The following CTNND2 variants were observed in gnomAD, a reference collection of about 807,000 sequenced individuals.
The protein encoded by CTNND2 is catenin delta 2.
Under a neutral mutation model 144.4 loss-of-function variants are expected in CTNND2, and 22 were observed. The ratio of observed to expected loss-of-function variants is 0.15; its 90% confidence interval spans 0.11 to 0.22. The LOEUF is 0.22. CTNND2 is among the 10% of genes least tolerant of loss of function. The pLI, the probability that CTNND2 is intolerant of heterozygous loss-of-function variation, is 1.00. For missense variants in CTNND2, 1,353 were observed against 1,618.8 expected (o/e 0.84, Z 2.82); for synonymous variants, 751 against 695.6 (o/e 1.08, Z -1.25).
chr5:11,275,715 T>C (rs965565388), intron 9 of CTNND2, among the ~76,000 whole-genome samples: 35 of 152,248 alleles, frequency 2.3e-4, no homozygotes, highest in Non-Finnish European at 2.6e-4. Flanking sequence ...CAGCCTTATA[T>C]TCAAGGGAAG....
intron 1 of CTNND2, among the ~76,000 whole-genome samples, chr5:11,753,355 C>A (rs754377434): frequency 6.6e-6 from 1 of 151,648 alleles, no homozygotes; most frequent in Non-Finnish European, 1.5e-5. Flanking sequence ...TCCTACAGTG[C>A]TTAGTTTGCT....
At chr5:11,375,891 C>G (rs1189108843) in intron 7 of CTNND2, among the ~76,000 whole-genome samples, 1 of 152,160 alleles carries the variant, frequency 6.6e-6, no homozygotes, top group Non-Finnish European at 1.5e-5. Flanking sequence ...AGCGAACTGA[C>G]TACTAGGGTC....
At chr5:11,360,468 T>A (rs897294891) in intron 8 of CTNND2, among the ~76,000 whole-genome samples, 2 of 151,444 alleles carry the variant, frequency 1.3e-5, no homozygotes, top group Admixed American at 6.6e-5. Context: ...GCAGAAAGAG[T>A]AGAGTGGCCA....
chr5:11,528,315 G>A (rs1355289646), intron 3 of CTNND2, among the ~76,000 whole-genome samples: 1 of 152,124 alleles, frequency 6.6e-6, no homozygotes, highest in Non-Finnish European at 1.5e-5. Context: ...GTGCTCTTAA[G>A]TAATGGCTTT....
intron 1 of CTNND2, among the ~76,000 whole-genome samples, chr5:11,877,925 A>T (rs1438969625): frequency 1.3e-5 from 2 of 152,214 alleles, no homozygotes; most frequent in East Asian, 3.8e-4. Flanking sequence ...TCTAATATAT[A>T]AAAATATTTA....
chr5:11,220,293 T>C (rs1015001922), intron 10 of CTNND2, among the ~76,000 whole-genome samples: 1 of 152,094 alleles, frequency 6.6e-6, no homozygotes, highest in Non-Finnish European at 1.5e-5. Flanking sequence ...GAAACTGGCT[T>C]AAAAGCCCCA....
At chr5:11,288,513 G>A (rs953996177) in intron 9 of CTNND2, among the ~76,000 whole-genome samples, 23 of 152,066 alleles carry the variant, frequency 1.5e-4, no homozygotes, top group Admixed American at 6.6e-5. Flanking sequence ...GACACTAACT[G>A]TATCATAAAC....
intron 9 of CTNND2, among the ~76,000 whole-genome samples, chr5:11,240,444 CATACACACACCCCCCA>C: frequency 8.3e-6 from 1 of 120,436 alleles, no homozygotes; most frequent in Non-Finnish European, 1.7e-5. Flanking sequence ...ACACACCCAA[CATACACACACCCCCCA>C]ACACACACAC....
intron 2 of CTNND2, among the ~76,000 whole-genome samples, chr5:11,663,499 A>G (rs935346859): frequency 2.0e-5 from 3 of 152,196 alleles, no homozygotes; most frequent in African/African-American, 7.2e-5. Flanking sequence ...GAGGAAAACC[A>G]TTAAAATATG....
At chr5:11,098,822 T>C in intron 14 of CTNND2, 74 bp from the exon 15 acceptor site, 3 of 1,442,950 alleles carry the variant, frequency 2.1e-6, no homozygotes, top group Admixed American at 3.7e-5. Flanking sequence ...CCTCAAACAT[T>C]ACAGGCGAAA....
chr5:11,655,989 A>T (rs1464518837), intron 2 of CTNND2, among the ~76,000 whole-genome samples: 3 of 148,036 alleles, frequency 2.0e-5, no homozygotes, highest in Non-Finnish European at 4.4e-5. Flanking sequence ...CCTGCAGCAG[A>T]TTATTCTTTG....
chr5:11,874,497 A>G (rs982443374), intron 1 of CTNND2, among the ~76,000 whole-genome samples: 3 of 152,220 alleles, frequency 2.0e-5, no homozygotes, highest in African/African-American at 7.2e-5. Flanking sequence ...AGCCATTATT[A>G]AGTAAAATAA....
chr5:11,693,970 T>A (rs1785025542), intron 2 of CTNND2, among the ~76,000 whole-genome samples: 1 of 152,232 alleles, frequency 6.6e-6, no homozygotes. Flanking sequence ...TGTTGATTCA[T>A]GAATATTTAA....
chr5:11,688,953 G>C (rs765651749), intron 2 of CTNND2, among the ~76,000 whole-genome samples: 1 of 152,146 alleles, frequency 6.6e-6, no homozygotes, highest in East Asian at 1.9e-4. Context: ...ATGACACAGC[G>C]AGGGCCACAA....
At chr5:11,589,744 C>T (rs1450082758) in intron 2 of CTNND2, among the ~76,000 whole-genome samples, 1 of 152,174 alleles carries the variant, frequency 6.6e-6, no homozygotes, top group Non-Finnish European at 1.5e-5. Flanking sequence ...GTATTTTAAG[C>T]ACTTTTTATT....
intron 10 of CTNND2, among the ~76,000 whole-genome samples, chr5:11,222,179 G>A (rs926291118): frequency 2.6e-5 from 4 of 152,094 alleles, no homozygotes; most frequent in African/African-American, 9.7e-5. Context: ...GAGGCGGGGG[G>A]AAGATAAAAA....
At chr5:11,531,669 G>A (rs564821832) in intron 3 of CTNND2, among the ~76,000 whole-genome samples, 16 of 152,130 alleles carry the variant, frequency 1.1e-4, no homozygotes, top group South Asian at 4.2e-4. Flanking sequence ...CTGCCATGGC[G>A]GATTGTTATC....
intron 1 of CTNND2, among the ~76,000 whole-genome samples, chr5:11,898,950 C>T (rs1737630139): frequency 6.6e-6 from 1 of 152,156 alleles, no homozygotes; most frequent in Admixed American, 6.5e-5. Context: ...AAATGAAGCC[C>T]CTCTGGGTTT....
At chr5:11,082,417 T>C (rs1418062591) in intron 16 of CTNND2, among the ~76,000 whole-genome samples, 1 of 152,198 alleles carries the variant, frequency 6.6e-6, no homozygotes, top group Admixed American at 6.5e-5. Flanking sequence ...TGTCAGAGAT[T>C]CAGAGGATTG....
Sources: gnomAD v4.1 joint callset for allele counts (sites outside exome capture counted in the v4.1 genomes callset) on GRCh38, gnomAD v4.1.1 for gene constraint, MANE v1.5 for transcripts, NCBI Gene and HGNC (gene_info 2026-07-23, HGNC 2026-07-21) for gene names.